Variants in KRT83 observed in about 807,000 individuals in gnomAD.
The protein encoded by KRT83 is keratin, type II cuticular Hb3.
KRT83 carries 51 observed loss-of-function variants against 52.9 expected under a neutral mutation model. That is an observed-to-expected ratio of 0.96 (90% CI 0.77 to 1.22). The LOEUF is 1.22. Ranked by LOEUF, KRT83 falls within the 50% of genes most tolerant of loss-of-function variation. The probability of loss-of-function intolerance (pLI) is 0.00; values close to 1 mark genes in which losing one functional copy is unlikely to be tolerated. For synonymous variants in KRT83, 278 were observed against 274.1 expected (o/e 1.01, Z -0.14); for missense variants, 654 against 666.5 (o/e 0.98, Z 0.21).
In KRT83 at chr12:52,321,236, C is replaced by T. The variant is rs765642444; in HGVS notation, c.100G>A (p.Ala34Thr). 1 of 1,613,570 alleles carries T rather than the reference C, an allele frequency of 6.2e-7. No homozygotes were observed. The highest frequency in any genetic ancestry group is 8.5e-7 in the Non-Finnish European group (1 of 1,179,922). The part of the protein sequence containing the change: ...GPRPSRCCIT[A>T]APYRGISCYR... ...CAGGAGATGCCGCGGTAGGGGGCGG[C>T]GGTGATGCAGCAGCGGCTTGGCCGG... Residue 34 changes from alanine to threonine, a missense_variant, in exon 1 of 9, where the codon GCC (alanine) becomes ACC (threonine). By Grantham distance (58) the Ala-to-Thr change is moderately conservative. Coordinates refer to ENST00000293670, the MANE Select transcript of KRT83 (RefSeq NM_002282.3).
chr12:52,317,445 C>G (rs1284066335), intron 4 of KRT83, among the ~76,000 whole-genome samples: 1 of 152,154 alleles, frequency 6.6e-6, no homozygotes, highest in Non-Finnish European at 1.5e-5. Context: ...AGGGCAGGTT[C>G]CCAAGGCACA....
Position 52,314,445 on chromosome 12 carries a change from C to A in KRT83, c.*186G>T. 1.5e-6 allele frequency: 1 copy of A among 667,874 alleles called. No homozygotes were observed. The highest frequency in any genetic ancestry group is 2.7e-5 in the East Asian group (1 of 36,700). The allele number at this position is 667,874 out of a possible 1,614,324, so 41.4% of individuals were successfully genotyped here. On this transcript the variant is annotated 3_prime_UTR_variant, in exon 9 of 9. Transcript: ENST00000293670. ...AGACAGGGGAAGGAATGGGTCTATTCCCCAGCCACAGGCCCCTTTCCAGTG... is the reference window on the plus strand; with the variant it reads ...AGACAGGGGAAGGAATGGGTCTATTACCCAGCCACAGGCCCCTTTCCAGTG...
In KRT83 at chr12:52,316,060, G is replaced by A. The variant is rs779439957; in HGVS notation, c.1095C>T (p.Ala365=). The part of the protein sequence containing the change: ...VAQSEQQGEA[A]LSDARCKLAE... ...CCAGCTTGCAGCGGGCATCACTGAG[G>A]GCCGCCTCACCCTGCTGCTCAGACT... The change falls in exon 7 of 9, where the codon GCC becomes GCT. Residue 365 remains alanine, a synonymous_variant. Transcript: ENST00000293670. The A allele has an allele frequency of 6.2e-7, 1 of 1,613,666 alleles. No homozygotes were observed. The highest frequency in any genetic ancestry group is 8.5e-7 in the Non-Finnish European group (1 of 1,179,872).
Position 52,314,761 on chromosome 12 carries a change from C to T in KRT83, c.1352G>A (p.Arg451Gln), listed in dbSNP as rs767956481. Residue 451 changes from arginine (R) to glutamine (Q), a missense_variant, in exon 9 of 9, where the codon CGG (arginine) becomes CAG (glutamine). Coordinates refer to ENST00000293670, the MANE Select transcript of KRT83 (RefSeq NM_002282.3). ...ACTGCAGACGCTGCCCGTCACCGGC[C>T]GGGAGCCCGACACGCAGAGATCCCC... ...VCGDLCVSGS[R>Q]PVTGSVCSAP... 39 of 1,603,274 alleles carry T rather than the reference C, an allele frequency of 2.4e-5. No homozygotes were observed. The highest frequency in any genetic ancestry group is 1.8e-4 in the South Asian group (16 of 88,448).
chr12:52,316,168 C>T, intron 6 of KRT83, 55 bp from the exon 7 acceptor site: 1 of 1,597,140 alleles, frequency 6.3e-7, no homozygotes, highest in Non-Finnish European at 8.5e-7. Context: ...TTCTTGAAAT[C>T]CCAGCCAGTC....
At position 52,314,722 on chromosome 12, in the gene KRT83, C is replaced by G. The variant is rs1226133665; in HGVS notation, c.1391G>C (p.Gly464Ala). ...CAAACCAGTGCTCACCACCAGGTTC[C>G]CGTTGCAGGGGGCACTGCAGACGCT... The part of the protein sequence containing the change: ...TGSVCSAPCN[G>A]NLVVSTGLCK... The change falls in exon 9 of 9, where the codon GGG becomes GCG. Residue 464 changes from glycine to alanine, a missense_variant. By Grantham distance (60) the Gly-to-Ala change is moderately conservative. Transcript: ENST00000293670. 1.3e-6 allele frequency: 2 copies of G among 1,588,750 alleles called. No individual in the cohort carries two copies. Among genetic ancestry groups the G allele is most frequent in the Middle Eastern group, 1.9e-4 (1 of 5,156 alleles).
chr12:52,315,091 C>T (rs1938665759), intron 8 of KRT83, among the ~76,000 whole-genome samples: 1 of 152,166 alleles, frequency 6.6e-6, no homozygotes, highest in Non-Finnish European at 1.5e-5. Context: ...GAGGTCCCTT[C>T]TTGCAATGAC....
chr12:52,314,697 C>T lies in KRT83; in HGVS notation c.1416G>A (p.Leu472=), dbSNP rs1408088682. 2.5e-6 allele frequency: 4 copies of T among 1,584,486 alleles called. No individual in the cohort carries two copies. Among genetic ancestry groups the T allele is most frequent in the Non-Finnish European group, 3.4e-6 (4 of 1,165,580 alleles). ...CNGNLVVSTG[L]CKPCGQLNTT... is the part of the protein sequence containing the mutation. ...TGTTCAGCTGGCCACAGGGCTTGCA[C>T]AAACCAGTGCTCACCACCAGGTTCC... Residue 472 remains leucine (L), a synonymous_variant, in exon 9 of 9, where the codon TTG becomes TTA. Transcript: ENST00000293670.
intron 1 of KRT83, 40 bp from the exon 2 acceptor site, chr12:52,319,404 G>T: frequency 6.3e-7 from 1 of 1,594,644 alleles, no homozygotes; most frequent in South Asian, 1.1e-5. Context: ...TCTTCTTGCA[G>T]CATCAGAGGA....
At chr12:52,314,898 T>G (rs1450515372) in intron 8 of KRT83, 80 bp from the exon 9 acceptor site, 2 of 1,362,904 alleles carry the variant, frequency 1.5e-6, no homozygotes, top group African/African-American at 2.9e-5. Flanking sequence ...CTGTCTGATG[T>G]GTCGACCATC....
rs370476740 is a variant in KRT83, at chr12:52,316,459, C to A, written c.1041+9G>T. The A allele has an allele frequency of 2.9e-4, 467 of 1,613,914 alleles. No homozygotes were observed. Among genetic ancestry groups the A allele is most frequent in the Non-Finnish European group, 3.6e-4 (430 of 1,179,952 alleles). On this transcript the variant is annotated intron_variant, in intron 6 of 8. Transcript: ENST00000293670. ...TTCCTACACTGAGGGGTGGGCCGGG[C>A]TCTGGTACCTGGCACTTGGCATTCT...
chr12:52,320,923 G>A (rs764865449), intron 1 of KRT83, 29 bp downstream of exon 1: 2 of 1,613,814 alleles, frequency 1.2e-6, no homozygotes, highest in Non-Finnish European at 1.7e-6. Context: ...TAGGGGTTCA[G>A]GAAGGGTGTG....
intron 6 of KRT83, 46 bp downstream of exon 6, chr12:52,316,422 A>C (rs1240636719): frequency 6.2e-7 from 1 of 1,613,526 alleles, no homozygotes; most frequent in East Asian, 2.2e-5. Flanking sequence ...GCCGAGGGCT[A>C]ACCCCAGTCT....
chr12:52,319,528 TC>T (rs879502853), intron 1 of KRT83, among the ~76,000 whole-genome samples, 164 bp from the exon 2 acceptor site: 1 of 152,232 alleles, frequency 6.6e-6, no homozygotes, highest in Non-Finnish European at 1.5e-5. Context: ...CTTAACCAGT[TC>T]ACCACCTGGA....
chr12:52,314,955 C>T (rs1938664335), intron 8 of KRT83, 137 bp from the exon 9 acceptor site: 2 of 638,812 alleles, frequency 3.1e-6, no homozygotes, highest in Non-Finnish European at 5.1e-6. Flanking sequence ...AAGGAGGGAA[C>T]CCTAGCCTGG....
In KRT83 at chr12:52,320,926, A is replaced by AGGGT. The variant is rs774610454; in HGVS notation, c.384+22_384+25dup. The AGGGT allele has an allele frequency of 7.4e-6, 12 of 1,613,794 alleles. No homozygotes were observed. The East Asian group carries it at 2.7e-4, about 36-fold the overall frequency. On this transcript the variant is annotated intron_variant, in intron 1 of 8. Coordinates refer to ENST00000293670, the MANE Select transcript of KRT83 (RefSeq NM_002282.3). Reference sequence around the variant, plus strand: ...TCTGAACATGAGTAGGGGTTCAGGAAGGGTGTGATCCAGGACGACACCCAC... The same window carrying AGGGT: ...TCTGAACATGAGTAGGGGTTCAGGAAGGGTGGGTGTGATCCAGGACGACACCCAC...
At chr12:52,318,300 C>T (rs1207359208) in intron 2 of KRT83, among the ~76,000 whole-genome samples, 1 of 152,120 alleles carries the variant, frequency 6.6e-6, no homozygotes, top group African/African-American at 2.4e-5. Flanking sequence ...CTCAGCCTCC[C>T]GAGTAGCTGG....
chr12:52,315,796 G>C, intron 7 of KRT83, 97 bp downstream of exon 7: 1 of 1,523,432 alleles, frequency 6.6e-7, no homozygotes. Flanking sequence ...GATCCATAGA[G>C]GCAAGAATGT....
chr12:52,316,442 C>T, intron 6 of KRT83, 26 bp downstream of exon 6: 1 of 1,614,024 alleles, frequency 6.2e-7, no homozygotes, highest in Non-Finnish European at 8.5e-7. Context: ...TCTTCCTACA[C>T]TGAGGGGTGG....
Sources: allele counts gnomAD v4.1 joint callset (sites outside exome capture counted in the v4.1 genomes callset), GRCh38; gene constraint gnomAD v4.1.1; transcripts MANE v1.5; gene names NCBI Gene and HGNC (gene_info 2026-07-23, HGNC 2026-07-21).